Variants in HEATR4 observed in about 807,000 individuals in gnomAD.
HEATR4 encodes the protein HEAT repeat containing 4, also known as HEAT repeat-containing protein 4.
Under a neutral mutation model 108.8 loss-of-function variants are expected in HEATR4, and 95 were observed. The observed-to-expected ratio is 0.87, with a 90% CI of 0.74 to 1.04. HEATR4 has a LOEUF of 1.04. Among genes scored for constraint, HEATR4 ranks in the 50% least tolerant of loss-of-function variants. The pLI is 0.00. For missense variants in HEATR4, 1,152 were observed against 1,253.8 expected, an observed-to-expected ratio of 0.92 and a Z score of 1.23; for synonymous variants, 443 against 459.4, an observed-to-expected ratio of 0.96 and a Z score of 0.46.
chr14:73,588,511 G>A, the HEATR4 span, among the ~76,000 whole-genome samples: 1 of 152,154 alleles, frequency 6.6e-6, no homozygotes, highest in African/African-American at 2.4e-5. Flanking sequence ...CAGGGGCAAT[G>A]GTGGCAATCT....
intron 1 of HEATR4, among the ~76,000 whole-genome samples, chr14:73,550,754 CTT>C (rs1472504879): frequency 1.7e-5 from 2 of 115,866 alleles, no homozygotes; most frequent in South Asian, 2.7e-4. Flanking sequence ...CTGTGTGTCT[CTT>C]GTTTAAATTC....
At chr14:73,605,261 ACT>A in the HEATR4 span, among the ~76,000 whole-genome samples, 1 of 151,360 alleles carries the variant, frequency 6.6e-6, no homozygotes, top group African/African-American at 2.5e-5. Flanking sequence ...TTATTACCCG[ACT>A]CTAGCCATGC....
Position 73,520,982 on chromosome 14 carries a change from G to C in HEATR4, c.939C>G (p.Ser313Arg). 1 of 1,613,796 alleles carries C rather than the reference G, an allele frequency of 6.2e-7. No individual in the cohort carries two copies. The highest frequency in any genetic ancestry group is 1.1e-5 in the South Asian group (1 of 91,066). The change falls in exon 4 of 18, where the codon AGC becomes AGG. Residue 313 changes from serine (S) to arginine (R), a missense_variant. By Grantham distance (110) the Ser-to-Arg change is moderately radical. Coordinates refer to ENST00000553558, the MANE Select transcript of HEATR4 (RefSeq NM_001220484.1). ...ETVEIMPGNK[S>R]TEDIHEKTSL... ...TCGTCTTTTCATGGATATCCTCAGT[G>C]CTCTTGTTGCCAGGCATGATCTCAA... is the stretch of plus-strand genomic sequence containing the variant.
Position 73,550,862 on chromosome 14 carries a change from A to C in HEATR4, c.-152+7889T>G, listed in dbSNP as rs1376349590. Among the ~76,000 whole-genome samples, 2 of 115,478 alleles carry C rather than the reference A, an allele frequency of 1.7e-5. 1 individual carries two copies. The highest frequency in any genetic ancestry group is 3.8e-5 in the Non-Finnish European group (2 of 52,842). The allele number at this position is 115,478 out of a possible 152,430, so 75.8% of individuals were successfully genotyped here. A position where few individuals can be genotyped will look rare whatever the true frequency, so the allele number is the denominator to read the frequency against. ...TGAAAGACCCCACAGGAACTCACTC[A>C]CTAAAGAATGCAGTTTTTGCTGGGC... On this transcript the variant is annotated intron_variant, in intron 1 of 17. Coordinates refer to ENST00000553558, the MANE Select transcript of HEATR4 (RefSeq NM_001220484.1).
the HEATR4 span, among the ~76,000 whole-genome samples, chr14:73,593,097 C>A: frequency 2.1e-4 from 32 of 152,206 alleles, no homozygotes; most frequent in Non-Finnish European, 3.7e-4. Context: ...GAAGCTATTA[C>A]CATGTCGTCT....
chr14:73,553,748 C>A lies in HEATR4; in HGVS notation c.-152+5003G>T, dbSNP rs1470495866. 1.8e-5 allele frequency among the ~76,000 whole-genome samples: 2 copies of A among 112,658 alleles called. 1 individual carries two copies. The highest frequency in any genetic ancestry group is 3.9e-5 in the Non-Finnish European group (2 of 51,460). The allele number at this position is 112,658 out of a possible 152,430, so 73.9% of individuals were successfully genotyped here. On this transcript the variant is annotated intron_variant, in intron 1 of 17. Transcript: ENST00000553558. ...CTCCCAGGTTCAAGCAATTCTTGTGCCTCAGCCTCCCTAGTAGCTGGGATT... is the reference window on the plus strand; with the variant it reads ...CTCCCAGGTTCAAGCAATTCTTGTGACTCAGCCTCCCTAGTAGCTGGGATT...
intron 1 of HEATR4, among the ~76,000 whole-genome samples, chr14:73,546,408 A>G (rs1889232860): frequency 9.3e-6 from 1 of 107,258 alleles, no homozygotes; most frequent in African/African-American, 3.1e-5. Context: ...CCCAGGCTAG[A>G]GTGCAGTGGC....
the HEATR4 span, chr14:73,568,125 C>G: frequency 6.6e-6 from 1 of 151,912 alleles, no homozygotes; most frequent in South Asian, 2.1e-4. Context: ...AGGTGTTATA[C>G]AAAGGTAATT....
chr14:73,492,852 C>T lies in HEATR4; in HGVS notation c.2844+214G>A, dbSNP rs1309076872. ...GAGTTTGTGAGAGTGGGGGACCTGC[C>T]CTGTGACAGTGTGGAGGACCAGCTG... On this transcript the variant is annotated intron_variant, in intron 17 of 17. Transcript: ENST00000553558. The surrounding 1 kb of genome is among the most constrained non-coding windows in gnomAD (Gnocchi z 4.9). 1 of 1,613,866 alleles carries T rather than the reference C, an allele frequency of 6.2e-7. No homozygotes were observed. Among genetic ancestry groups the T allele is most frequent in the Admixed American group, 1.7e-5 (1 of 59,994 alleles).
chr14:73,588,243 G>A, the HEATR4 span, among the ~76,000 whole-genome samples: 2 of 151,900 alleles, frequency 1.3e-5, no homozygotes, highest in African/African-American at 4.8e-5. Flanking sequence ...CAAGTGATCC[G>A]CCCGCTTCAG....
At chr14:73,491,681 C>G in intron 17 of HEATR4, 1 of 1,549,884 alleles carries the variant, frequency 6.5e-7, no homozygotes, top group Non-Finnish European at 8.7e-7. Context: ...TTACCGGCGC[C>G]TATGGGAGCG....
At chr14:73,491,077 C>A (rs781077622) in intron 17 of HEATR4, 2 of 1,597,330 alleles carry the variant, frequency 1.3e-6, no homozygotes, top group African/African-American at 1.4e-5. Flanking sequence ...AGCGCCGGCG[C>A]AAGCCCCAGC....
In HEATR4 at chr14:73,498,138, A is replaced by G; in HGVS notation, c.2546+17T>C. ...GCAGTATAAGGTCATGGTGGGAGCC[A>G]GAGGTTTAGTGCTTACTTTAGAACA... On this transcript the variant is annotated intron_variant, in intron 14 of 17. Coordinates refer to ENST00000553558, the MANE Select transcript of HEATR4 (RefSeq NM_001220484.1). 6.3e-7 allele frequency: 1 copy of G among 1,590,870 alleles called. No homozygotes were observed. Among genetic ancestry groups the G allele is most frequent in the Non-Finnish European group, 8.6e-7 (1 of 1,163,052 alleles).
At chr14:73,571,022 A>C in the HEATR4 span, 1 of 134,984 alleles carries the variant, frequency 7.4e-6, no homozygotes, top group South Asian at 2.3e-4. Context: ...TTCTCACTGT[A>C]TTTCCATGGC....
rs1265877939 is a variant in HEATR4 at position 73,493,089 on chromosome 14, A to C, written c.2821T>G (p.Cys941Gly). 6.2e-7 allele frequency: 1 copy of C among 1,612,752 alleles called. No individual in the cohort carries two copies. Among genetic ancestry groups the C allele is most frequent in the South Asian group, 1.1e-5 (1 of 91,036 alleles). ...ACCTTTATCACTGCTTCAGTGTCAC[A>C]AACCTCGGAAGGTCTTCTAGGAAGA... Reference protein sequence around the residue: ...MVLPRRPSEVCDTEAVIKPVK... With the variant: ...MVLPRRPSEVGDTEAVIKPVK... Residue 941 changes from cysteine to glycine, a missense_variant, in exon 17 of 18, where the codon TGT becomes GGT. Cys to Gly is a radical substitution (Grantham distance 159). Transcript: ENST00000553558.
rs138907280 is a variant in HEATR4 at position 73,501,220 on chromosome 14, G to A, written c.2106-490C>T. Among the ~76,000 whole-genome samples, 632 of 152,156 alleles carry A rather than the reference G, an allele frequency of 4.2e-3. 5 individuals are homozygous for A. The highest frequency in any genetic ancestry group is 0.014 in the African/African-American group (598 of 41,496). On this transcript the variant is annotated intron_variant, in intron 11 of 17. Transcript: ENST00000553558. ...TGCAAGCGCCGCCTCCTGGGTTCAC[G>A]CCATTCTCCTGCCTCAGCCTCCTGA...
chr14:73,491,491 C>T, intron 17 of HEATR4: 1 of 1,505,262 alleles, frequency 6.6e-7, no homozygotes, highest in South Asian at 1.3e-5. Context: ...TAGCGGCCGT[C>T]CAGTCGTCCG....
intron 16 of HEATR4, 28 bp downstream of exon 16, chr14:73,495,200 G>A (rs747663983): frequency 6.3e-7 from 1 of 1,599,494 alleles, no homozygotes. Context: ...AGGAATCAAG[G>A]CATGGAACTC....
chr14:73,574,760 G>C, the HEATR4 span: 1 of 1,230,178 alleles, frequency 8.1e-7, no homozygotes, highest in African/African-American at 1.5e-5. Context: ...AGATAGAGGG[G>C]AGGTAAATTC....
Sources: allele counts gnomAD v4.1 joint callset (sites outside exome capture counted in the v4.1 genomes callset), GRCh38; gene constraint gnomAD v4.1.1; non-coding constraint Gnocchi (gnomAD v3.1); transcripts MANE v1.5; gene names NCBI Gene and HGNC (gene_info 2026-07-23, HGNC 2026-07-21).